Variants in DOCK3 observed in about 807,000 individuals in gnomAD.
DOCK3 encodes dedicator of cytokinesis 3.
DOCK3 carries 60 observed loss-of-function variants against 265.6 expected under a neutral mutation model. The ratio of observed to expected loss-of-function variants is 0.23; its 90% confidence interval spans 0.18 to 0.28. DOCK3 has a LOEUF of 0.28. DOCK3 is among the 10% of genes least tolerant of loss of function. The pLI is 1.00. For synonymous variants in DOCK3, 881 were observed against 938.0 expected, an observed-to-expected ratio of 0.94 and a Z score of 1.11; for missense variants, 1,981 against 2,594.3, an observed-to-expected ratio of 0.76 and a Z score of 5.14.
chr3:50,714,606 C>T (rs1400585682), intron 1 of DOCK3, among the ~76,000 whole-genome samples: 1 of 152,148 alleles, frequency 6.6e-6, no homozygotes, highest in Non-Finnish European at 1.5e-5. Flanking sequence ...CATGCCAGCA[C>T]ATCTGGCTAA....
intron 9 of DOCK3, among the ~76,000 whole-genome samples, chr3:51,117,978 G>C (rs901974467): frequency 3.3e-5 from 5 of 152,120 alleles, no homozygotes. Flanking sequence ...TCTGATCTGA[G>C]TTATTTCTTG....
chr3:51,356,056 C>T (rs767640777), intron 41 of DOCK3, 33 bp from the exon 42 acceptor site: 2 of 1,612,774 alleles, frequency 1.2e-6, no homozygotes, highest in Non-Finnish European at 1.7e-6. Flanking sequence ...CCAGCTCTGG[C>T]AAGTCTGTGT....
intron 5 of DOCK3, among the ~76,000 whole-genome samples, chr3:51,036,598 C>T (rs1017886802): frequency 2.6e-5 from 4 of 152,060 alleles, no homozygotes; most frequent in East Asian, 1.9e-4. Context: ...CATACTATAC[C>T]GTACTCTGAT....
intron 1 of DOCK3, among the ~76,000 whole-genome samples, chr3:50,748,666 T>G (rs1234865091): frequency 6.6e-6 from 1 of 152,224 alleles, no homozygotes; most frequent in Non-Finnish European, 1.5e-5. Flanking sequence ...ATGGCTTAGA[T>G]GTAACATTTC....
intron 9 of DOCK3, among the ~76,000 whole-genome samples, chr3:51,146,277 G>T (rs1206416474): frequency 6.6e-6 from 1 of 152,186 alleles, no homozygotes; most frequent in Non-Finnish European, 1.5e-5. Flanking sequence ...ACTCCTTGCT[G>T]CCCTCAGGGA....
chr3:50,921,759 A>T (rs531215402), intron 4 of DOCK3, among the ~76,000 whole-genome samples: 1 of 152,064 alleles, frequency 6.6e-6, no homozygotes, highest in African/African-American at 2.4e-5. Context: ...TCTGTTTGTT[A>T]GTTTTCCTTC....
intron 9 of DOCK3, among the ~76,000 whole-genome samples, chr3:51,093,787 TGA>T (rs1345301632): frequency 6.6e-6 from 1 of 152,246 alleles, no homozygotes; most frequent in African/African-American, 2.4e-5. Flanking sequence ...CCATTCAGTA[TGA>T]TACTGGCTCT....
At chr3:50,828,673 G>C (rs992448273) in intron 2 of DOCK3, among the ~76,000 whole-genome samples, 4 of 151,996 alleles carry the variant, frequency 2.6e-5, no homozygotes, top group African/African-American at 9.7e-5. Flanking sequence ...CCAAAGTGCT[G>C]GGATTACAGG....
chr3:50,977,516 G>A (rs937922123), intron 5 of DOCK3, among the ~76,000 whole-genome samples: 3 of 152,200 alleles, frequency 2.0e-5, no homozygotes, highest in African/African-American at 4.8e-5. Flanking sequence ...GAGATCCCCT[G>A]TTAGTCTGAT....
rs9839560 is a variant in DOCK3 at position 51,285,488 on chromosome 3, A to C, written c.2922+5284A>C. ...AAACAGAAAGTATACATAAGTACCA[A>C]ACAAATCATAGAGCTGAAGAATACT... On this transcript the variant is annotated intron_variant, in intron 27 of 52. Coordinates refer to ENST00000266037, the MANE Select transcript of DOCK3 (RefSeq NM_004947.5). 2.9e-3 allele frequency among the ~76,000 whole-genome samples: 440 copies of C among 151,876 alleles called. 1 individual carries two copies. The highest frequency in any genetic ancestry group is 0.01 in the African/African-American group (419 of 41,428).
At chr3:51,281,949 A>G (rs1272838183) in intron 27 of DOCK3, among the ~76,000 whole-genome samples, 5 of 152,194 alleles carry the variant, frequency 3.3e-5, no homozygotes, top group African/African-American at 1.2e-4. Context: ...AGGCTAGTTT[A>G]CTTTCTGCGG....
intron 38 of DOCK3, among the ~76,000 whole-genome samples, chr3:51,343,300 C>T (rs1576873262): frequency 6.6e-6 from 1 of 152,210 alleles, no homozygotes; most frequent in Non-Finnish European, 1.5e-5. Context: ...CTTCCAGACA[C>T]TACCCCCAAG....
chr3:51,216,995 A>C (rs1439151175), intron 14 of DOCK3, among the ~76,000 whole-genome samples: 1 of 152,196 alleles, frequency 6.6e-6, no homozygotes, highest in Admixed American at 6.5e-5. Context: ...GAACACGTGG[A>C]GATATAAGAA....
intron 41 of DOCK3, 107 bp from the exon 42 acceptor site, chr3:51,355,978 CAGTA>C: frequency 7.2e-7 from 1 of 1,395,950 alleles, no homozygotes; most frequent in Non-Finnish European, 9.9e-7. Flanking sequence ...ACTGGGCTGT[CAGTA>C]AGGAGCAGGG....
chr3:50,937,581 G>T (rs971279855), intron 5 of DOCK3, among the ~76,000 whole-genome samples: 2 of 151,952 alleles, frequency 1.3e-5, no homozygotes, highest in African/African-American at 4.8e-5. Context: ...GCATGAACCC[G>T]GAAGGCAGAG....
At chr3:50,719,630 A>C (rs2037352046) in intron 1 of DOCK3, 2 of 1,563,872 alleles carry the variant, frequency 1.3e-6, no homozygotes, top group Non-Finnish European at 1.8e-6. Flanking sequence ...AGGTCTTGGC[A>C]GTGCAGATGA....
intron 5 of DOCK3, among the ~76,000 whole-genome samples, chr3:51,031,424 C>A (rs2080043031): frequency 6.6e-6 from 1 of 152,142 alleles, no homozygotes; most frequent in African/African-American, 2.4e-5. Flanking sequence ...AATCCACCAG[C>A]CTTAAAGTCT....
chr3:51,143,076 G>A (rs1052881877), intron 9 of DOCK3, among the ~76,000 whole-genome samples: 4 of 151,678 alleles, frequency 2.6e-5, no homozygotes, highest in Non-Finnish European at 2.9e-5. Flanking sequence ...TAGTAGAGAC[G>A]AGGTTTCACC....
chr3:50,946,857 A>G (rs1330778143), intron 5 of DOCK3, among the ~76,000 whole-genome samples: 5 of 152,222 alleles, frequency 3.3e-5, no homozygotes, highest in East Asian at 1.9e-4. Context: ...GGATATGACA[A>G]CTACAAGGTT....
Sources: gnomAD v4.1 joint callset for allele counts (sites outside exome capture counted in the v4.1 genomes callset) on GRCh38, gnomAD v4.1.1 for gene constraint, MANE v1.5 for transcripts, NCBI Gene and HGNC (gene_info 2026-07-23, HGNC 2026-07-21) for gene names.